RBM6: variants seen among roughly 807,000 people sequenced by gnomAD.
RBM6 encodes the protein RNA binding motif protein 6.
Under a neutral mutation model 140.4 loss-of-function variants are expected in RBM6, and 23 were observed. The ratio of observed to expected loss-of-function variants is 0.16; its 90% confidence interval spans 0.12 to 0.23. The LOEUF (loss-of-function observed/expected upper bound fraction) is 0.23, where lower values mean the gene tolerates loss of function less well. RBM6 is among the 10% of genes least tolerant of loss of function. The probability of loss-of-function intolerance (pLI) is 1.00; values close to 1 mark genes in which losing one functional copy is unlikely to be tolerated. For missense variants in RBM6, 1,139 were observed against 1,386.7 expected (o/e 0.82, Z 2.84); for synonymous variants, 439 against 475.6 (o/e 0.92, Z 1.00).
At chr3:49,970,059 G>A (rs1354541268) in intron 3 of RBM6, among the ~76,000 whole-genome samples, 1 of 152,042 alleles carries the variant, frequency 6.6e-6, no homozygotes, top group Admixed American at 6.5e-5. Flanking sequence ...TCCTGCCTCA[G>A]CCTCCTGAGT....
chr3:49,992,972 GTT>G (rs2085894176), intron 5 of RBM6, among the ~76,000 whole-genome samples: 1 of 152,100 alleles, frequency 6.6e-6, no homozygotes, highest in Non-Finnish European at 1.5e-5. Flanking sequence ...TTGTTTGTTT[GTT>G]TTTAAGTGAA....
At chr3:49,962,761 TG>T in intron 2 of RBM6, 76 bp downstream of exon 2, 2 of 1,334,226 alleles carry the variant, frequency 1.5e-6, no homozygotes, top group Non-Finnish European at 2.1e-6. Context: ...CTACTATAAA[TG>T]AAGATATTTT....
At chr3:49,984,155 G>A (rs2085437031) in intron 5 of RBM6, among the ~76,000 whole-genome samples, 1 of 152,078 alleles carries the variant, frequency 6.6e-6, no homozygotes, top group Admixed American at 6.6e-5. Flanking sequence ...AAATTAGCTG[G>A]ATGTGGTGGT....
chr3:50,034,020 C>G, intron 6 of RBM6, among the ~76,000 whole-genome samples: 1 of 151,564 alleles, frequency 6.6e-6, no homozygotes, highest in African/African-American at 2.4e-5. Context: ...TGCCCCCTGT[C>G]TAGAAACACC....
intron 1 of RBM6, among the ~76,000 whole-genome samples, chr3:49,949,380 C>T (rs1441591821): frequency 6.6e-6 from 1 of 151,720 alleles, no homozygotes; most frequent in African/African-American, 2.4e-5. Context: ...TCCTTCAGGA[C>T]AACATTTTTT....
At chr3:50,035,704 A>G (rs542281256) in intron 6 of RBM6, among the ~76,000 whole-genome samples, 3 of 152,098 alleles carry the variant, frequency 2.0e-5, no homozygotes, top group African/African-American at 7.2e-5. Context: ...ATAAAAAAGA[A>G]ACTTCAGCAT....
intron 8 of RBM6, among the ~76,000 whole-genome samples, chr3:50,055,912 C>T (rs1359442025): frequency 1.3e-5 from 2 of 152,198 alleles, no homozygotes; most frequent in Non-Finnish European, 2.9e-5. Flanking sequence ...CAGACACATG[C>T]ATCCATAACA....
Position 49,968,404 on chromosome 3 carries a change from T to G in RBM6, c.979T>G (p.Phe327Val). ...THDHTIERPA[F>V]GIQKGEFEHS... ...TGACCATACGATAGAAAGGCCTGCT[T>G]TTGGCATTCAGAAGGGAGAATTTGA... Residue 327 changes from phenylalanine (F) to valine (V), a missense_variant, in exon 3 of 21, where the codon TTT becomes GTT. This residue lies in a region of RBM6 where 566 missense variants were observed against 612.7 expected (regional missense o/e 0.92). Transcript: ENST00000266022. The G allele has an allele frequency of 6.2e-7, 1 of 1,614,130 alleles. No individual in the cohort carries two copies. The highest frequency in any genetic ancestry group is 8.5e-7 in the Non-Finnish European group (1 of 1,180,016).
chr3:49,964,757 G>A lies in RBM6; in HGVS notation c.44+2072G>A, dbSNP rs147861221. Among the ~76,000 whole-genome samples, 32 of 152,234 alleles carry A rather than the reference G, an allele frequency of 2.1e-4. 1 individual carries two copies. Among genetic ancestry groups the A allele is most frequent in the African/African-American group, 7.0e-4 (29 of 41,532 alleles). ...ACTATTTTGTAAGTAAGGCTGTTTC[G>A]TATAGAATTAACGTGGTTTAGGTAA... is the stretch of plus-strand genomic sequence containing the variant. On this transcript the variant is annotated intron_variant, in intron 2 of 20. Transcript: ENST00000266022.
intron 1 of RBM6, among the ~76,000 whole-genome samples, chr3:49,950,348 A>G (rs1031045463): frequency 5.3e-5 from 8 of 152,176 alleles, no homozygotes; most frequent in African/African-American, 1.9e-4. Context: ...TAAAGTCATG[A>G]TTAAGAAGGA....
intron 6 of RBM6, among the ~76,000 whole-genome samples, chr3:50,015,045 T>G (rs2087048647): frequency 3.1e-5 from 1 of 32,164 alleles, no homozygotes; most frequent in African/African-American, 1.8e-4. Flanking sequence ...TGAGACTGTC[T>G]CAAAAAAAAA....
At chr3:50,019,487 T>G (rs2087365691) in intron 6 of RBM6, among the ~76,000 whole-genome samples, 1 of 152,196 alleles carries the variant, frequency 6.6e-6, no homozygotes, top group African/African-American at 2.4e-5. Flanking sequence ...TCTTCTTTTC[T>G]CTCCTTTCCT....
chr3:50,055,444 C>G (rs1042677049), intron 8 of RBM6, among the ~76,000 whole-genome samples: 1 of 152,106 alleles, frequency 6.6e-6, no homozygotes, highest in Non-Finnish European at 1.5e-5. Context: ...AGTTTGGTGC[C>G]CAACTTAACG....
In RBM6 at chr3:49,955,160, C is replaced by CTTTTTTTTTTTTTTT. The variant is rs869272546; in HGVS notation, c.-66-7406_-66-7392dup. On this transcript the variant is annotated intron_variant, in intron 1 of 20. Coordinates refer to ENST00000266022, the MANE Select transcript of RBM6 (RefSeq NM_005777.3). ...GGCCGCATAGTATTTTTTTTTCTTT[C>CTTTTTTTTTTTTTTT]TTTTTTTTTTTTTTTTTTTTTTTTG... Among the ~76,000 whole-genome samples, 49 of 72,714 alleles carry CTTTTTTTTTTTTTTT rather than the reference C, an allele frequency of 6.7e-4. 3 individuals carry two copies. The highest frequency in any genetic ancestry group is 0.025 in the Middle Eastern group (1 of 40). 47.7% of individuals were successfully genotyped at this position (72,714 alleles called of 152,430 possible). A position where few individuals can be genotyped will look rare whatever the true frequency, so the allele number is the denominator to read the frequency against.
chr3:50,061,425 C>T (rs1408924278), intron 13 of RBM6, 37 bp from the exon 14 acceptor site: 1 of 1,586,248 alleles, frequency 6.3e-7, no homozygotes, highest in Non-Finnish European at 8.5e-7. Context: ...CTTCATTGGA[C>T]AGAGACTAAC....
chr3:50,001,716 G>A (rs2086337275), intron 6 of RBM6, among the ~76,000 whole-genome samples: 1 of 152,070 alleles, frequency 6.6e-6, no homozygotes, highest in African/African-American at 2.4e-5. Context: ...GAAGAAAAAA[G>A]CTTCCAATCT....
At chr3:50,045,716 T>C (rs1202011297) in intron 6 of RBM6, among the ~76,000 whole-genome samples, 1 of 152,188 alleles carries the variant, frequency 6.6e-6, no homozygotes, top group African/African-American at 2.4e-5. Flanking sequence ...GATGCTGGTC[T>C]TTTTTGGTTC....
intron 5 of RBM6, among the ~76,000 whole-genome samples, chr3:49,990,550 A>C (rs971968864): frequency 6.6e-6 from 1 of 152,232 alleles, no homozygotes; most frequent in African/African-American, 2.4e-5. Context: ...ATAATAGAAA[A>C]TAAAATTTTT....
chr3:50,037,643 A>T (rs987087414), intron 6 of RBM6, among the ~76,000 whole-genome samples: 1 of 151,490 alleles, frequency 6.6e-6, no homozygotes, highest in Non-Finnish European at 1.5e-5. Flanking sequence ...GTCTCTTTTT[A>T]TTTTTTTTCC....
Sources: gnomAD v4.1 joint callset for allele counts (sites outside exome capture counted in the v4.1 genomes callset) on GRCh38, gnomAD v4.1.1 for gene constraint, gnomAD v4.1.1 regional missense constraint, MANE v1.5 for transcripts, NCBI Gene and HGNC (gene_info 2026-07-23, HGNC 2026-07-21) for gene names.